Variants in DCHS1 observed in about 807,000 individuals in gnomAD.
DCHS1 encodes dachsous cadherin-related 1.
DCHS1 carries 78 observed loss-of-function variants against 213.9 expected under a neutral mutation model. That is an observed-to-expected ratio of 0.36 (90% CI 0.30 to 0.44). The LOEUF is 0.44. Among genes scored for constraint, DCHS1 ranks in the 20% least tolerant of loss-of-function variants. The pLI, the probability that DCHS1 is intolerant of heterozygous loss-of-function variation, is 1.00. For missense variants in DCHS1, 3,946 were observed against 4,395.9 expected (o/e 0.90, Z 2.89); for synonymous variants, 1,828 against 1,873.7 (o/e 0.98, Z 0.63).
intron 2 of DCHS1, among the ~76,000 whole-genome samples, chr11:6,635,792 A>G (rs2134637434): frequency 6.6e-6 from 1 of 152,338 alleles, no homozygotes; most frequent in South Asian, 2.1e-4. Flanking sequence ...CGCTGCAGGA[A>G]GAAAGCAATA....
chr11:6,625,522 C>A lies in DCHS1; in HGVS notation c.6863-41G>T. ...CTAGTGTGTTTGGCAATGGACACAG[C>A]CCCACCTTGAGCTGCAGGGTGGAGA... On this transcript the variant is annotated intron_variant, in intron 18 of 20. Coordinates refer to ENST00000299441, the MANE Select transcript of DCHS1 (RefSeq NM_003737.4). The surrounding 1 kb of genome is among the most constrained non-coding windows in gnomAD (Gnocchi z 5.3). 6.2e-7 allele frequency: 1 copy of A among 1,609,734 alleles called. No individual in the cohort carries two copies.
rs1316870705 is a variant in DCHS1 at position 6,626,172 on chromosome 11, C to T, written c.6573G>A (p.Leu2191=). Residue 2191 remains leucine (L), a synonymous_variant, in exon 16 of 21, where the codon CTG becomes CTA. Transcript: ENST00000299441. This position sits in a 1 kb window ranked among gnomAD's most constrained non-coding sequence, Gnocchi z 5.2. ...ATCTTTCCATCACACCCCGCACCTGCAGCAGGGGCCCCTCCAAGGGCCGGG... is the reference window on the plus strand; with the variant it reads ...ATCTTTCCATCACACCCCGCACCTGTAGCAGGGGCCCCTCCAAGGGCCGGG... ...PESRPLEGPL[L]QVEADDLDQG... 16 of 1,605,154 alleles carry T rather than the reference C, an allele frequency of 1.0e-5. No individual in the cohort carries two copies. The highest frequency in any genetic ancestry group is 1.3e-5 in the African/African-American group (1 of 74,688).
In DCHS1 at chr11:6,628,559, C is replaced by T. The variant is rs550062775; in HGVS notation, c.5371+62G>A. Reference sequence around the variant, plus strand: ...CACATGCACTGAGGCTGACAGCAGCCAAGAAGGAGCAAGAACCAGGCAAGT... The same window carrying T: ...CACATGCACTGAGGCTGACAGCAGCTAAGAAGGAGCAAGAACCAGGCAAGT... On this transcript the variant is annotated intron_variant, in intron 13 of 20. Transcript: ENST00000299441. The surrounding 1 kb of genome is among the most constrained non-coding windows in gnomAD (Gnocchi z 4.3). 5 of 1,593,156 alleles carry T rather than the reference C, an allele frequency of 3.1e-6. No individual in the cohort carries two copies. Among genetic ancestry groups the T allele is most frequent in the Non-Finnish European group, 4.3e-6 (5 of 1,163,058 alleles).
Position 6,627,215 on chromosome 11 carries a change from T to A in DCHS1, c.5824A>T (p.Thr1942Ser), listed in dbSNP as rs1315158231. 1.2e-6 allele frequency: 2 copies of A among 1,612,986 alleles called. No homozygotes were observed. The highest frequency in any genetic ancestry group is 1.3e-5 in the African/African-American group (1 of 74,848). The change falls in exon 14 of 21, where the codon ACC becomes TCC. Residue 1942 changes from threonine (T) to serine (S), a missense_variant. By Grantham distance (58) the Thr-to-Ser change is moderately conservative. This residue lies in a region of DCHS1 where 3,384 missense variants were observed against 3,780.1 expected (regional missense o/e 0.90). Transcript: ENST00000299441. The surrounding 1 kb of genome is among the most constrained non-coding windows in gnomAD (Gnocchi z 5.4). ...VDGAAAGPLS[T>S]TVSVTITVRD... ...ACCGTGATGGTGACAGACACTGTGGTGCTTAGGGGCCCAGCAGCTGCACCA... is the reference window on the plus strand; with the variant it reads ...ACCGTGATGGTGACAGACACTGTGGAGCTTAGGGGCCCAGCAGCTGCACCA...
chr11:6,628,835 G>A lies in DCHS1; in HGVS notation c.5162-5C>T, dbSNP rs1390882907. 1 of 1,611,200 alleles carries A rather than the reference G, an allele frequency of 6.2e-7. No individual in the cohort carries two copies. The highest frequency in any genetic ancestry group is 8.5e-7 in the Non-Finnish European group (1 of 1,178,620). Reference sequence around the variant, plus strand: ...AGCCCCTGTCCTGGGCATACACTGTGGGGAAGCAAAATCAATGAGGTCTAG... The same window carrying A: ...AGCCCCTGTCCTGGGCATACACTGTAGGGAAGCAAAATCAATGAGGTCTAG... On this transcript the variant is annotated splice_region_variant and splice_polypyrimidine_tract_variant and intron_variant, in intron 12 of 20. Transcript: ENST00000299441. This position sits in a 1 kb window ranked among gnomAD's most constrained non-coding sequence, Gnocchi z 4.3.
In DCHS1 at chr11:6,640,585, C is replaced by T. The variant is rs762387243; in HGVS notation, c.1029G>A (p.Leu343=). The stretch of plus-strand genomic sequence containing the variant: ...CATGCACAGTCACAAAGGCCGAGCC[C>T]AGCTCAGGGTGAGCCCCACCATCTC... ...QARDGGAHPE[L]GSAFVTVHVR... is the part of the protein sequence containing the mutation. The change falls in exon 2 of 21, where the codon CTG becomes CTA. Residue 343 remains leucine (L), a synonymous_variant. Transcript: ENST00000299441. This position sits in a 1 kb window ranked among gnomAD's most constrained non-coding sequence, Gnocchi z 6.5. The T allele has an allele frequency of 6.2e-7, 1 of 1,608,780 alleles. No individual in the cohort carries two copies. Among genetic ancestry groups the T allele is most frequent in the South Asian group, 1.1e-5 (1 of 91,084 alleles).
Position 6,625,188 on chromosome 11 carries a change from G to A in DCHS1, c.7146+10C>T. 1 of 1,573,528 alleles carries A rather than the reference G, an allele frequency of 6.4e-7. No homozygotes were observed. The highest frequency in any genetic ancestry group is 1.4e-5 in the African/African-American group (1 of 74,070). On this transcript the variant is annotated intron_variant, in intron 19 of 20. Coordinates refer to ENST00000299441, the MANE Select transcript of DCHS1 (RefSeq NM_003737.4). This position sits in a 1 kb window ranked among gnomAD's most constrained non-coding sequence, Gnocchi z 5.3. ...GGCCCAGGTGTAGGTGGATCCATGGGTGTCAATACCTGGTAGAGGCTCTGT... is the reference window on the plus strand; with the variant it reads ...GGCCCAGGTGTAGGTGGATCCATGGATGTCAATACCTGGTAGAGGCTCTGT...
In DCHS1 at chr11:6,633,407, G is replaced by T. The variant is rs1855942627; in HGVS notation, c.2455+5C>A. 2 of 1,552,308 alleles carry T rather than the reference G, an allele frequency of 1.3e-6. No individual in the cohort carries two copies. The highest frequency in any genetic ancestry group is 1.7e-6 in the Non-Finnish European group (2 of 1,147,202). On this transcript the variant is annotated splice_donor_5th_base_variant and intron_variant, in intron 5 of 20. Transcript: ENST00000299441. ...ACACCAAGTGGGTATAAAGCTAAAT[G>T]ATACCTGGTGGGTTGTGTGCCTGGA...
Position 6,640,528 on chromosome 11 carries a change from C to T in DCHS1, c.1086G>A (p.Met362Ile), listed in dbSNP as rs1202213200. Reference protein sequence around the residue: ...VRDANDNQPSMTVIFLSADGS... With the variant: ...VRDANDNQPSITVIFLSADGS... ...CATCTGCACTGAGAAAGATGACAGT[C>T]ATGGAGGGCTGATTGTCATTGGCAT... The change falls in exon 2 of 21, where the codon ATG becomes ATA. Residue 362 changes from methionine (M) to isoleucine (I), a missense_variant. Coordinates refer to ENST00000299441, the MANE Select transcript of DCHS1 (RefSeq NM_003737.4). This position sits in a 1 kb window ranked among gnomAD's most constrained non-coding sequence, Gnocchi z 6.5. 6.2e-7 allele frequency: 1 copy of T among 1,611,746 alleles called. No homozygotes were observed. The highest frequency in any genetic ancestry group is 1.7e-5 in the Admixed American group (1 of 60,020).
Position 6,624,288 on chromosome 11 carries a change from G to T in DCHS1, c.7388C>A (p.Ala2463Glu). The change falls in exon 21 of 21, where the codon GCA (alanine) becomes GAA (glutamate). Residue 2463 changes from alanine to glutamate, a missense_variant. Transcript: ENST00000299441. Reference sequence around the variant, plus strand: ...CTGCACGTGCACTGTGGCTCGTGCTGCCCGGCCTGGAGCCCCGTGGTCTCG... The same window carrying T: ...CTGCACGTGCACTGTGGCTCGTGCTTCCCGGCCTGGAGCCCCGTGGTCTCG... ...EARDHGAPGR[A>E]ARATVHVQLQ... is the part of the protein sequence containing the mutation. The T allele has an allele frequency of 1.9e-6, 3 of 1,598,546 alleles. No homozygotes were observed. In the South Asian group the frequency reaches 3.4e-5, roughly 18 times the overall value.
At chr11:6,646,269 C>T (rs1283763440) in intron 1 of DCHS1, among the ~76,000 whole-genome samples, 1 of 152,186 alleles carries the variant, frequency 6.6e-6, no homozygotes, top group South Asian at 2.1e-4. Context: ...CCGGGGCACT[C>T]GTGGTCAGCT....
intron 1 of DCHS1, among the ~76,000 whole-genome samples, chr11:6,642,305 C>T (rs749266222): frequency 3.3e-5 from 5 of 152,160 alleles, no homozygotes; most frequent in South Asian, 2.1e-4. Flanking sequence ...GATACCACAG[C>T]GAATAAAGGA....
chr11:6,647,866 G>A (rs1473351484), intron 1 of DCHS1, among the ~76,000 whole-genome samples: 1 of 152,208 alleles, frequency 6.6e-6, no homozygotes, highest in Non-Finnish European at 1.5e-5. Context: ...GAGGAGAGAG[G>A]TGAAGAATGA....
At position 6,627,559 on chromosome 11, in the gene DCHS1, G is replaced by A; in HGVS notation, c.5480C>T (p.Ala1827Val). ...VEPAFQLRIEARDGGQPALSA... is the reference protein window; with the variant it reads ...VEPAFQLRIEVRDGGQPALSA... ...GAGAGCTGGCTGGCCTCCATCCCGGGCCTCTATCCTCAGCTGGAAAGCTGG... is the reference window on the plus strand; with the variant it reads ...GAGAGCTGGCTGGCCTCCATCCCGGACCTCTATCCTCAGCTGGAAAGCTGG... Residue 1827 changes from alanine (A) to valine (V), a missense_variant, in exon 14 of 21, where the codon GCC becomes GTC. Physicochemically the swap from Ala to Val is moderately conservative, Grantham distance 64. This residue lies in a region of DCHS1 where 3,384 missense variants were observed against 3,780.1 expected (regional missense o/e 0.90). Transcript: ENST00000299441. This position sits in a 1 kb window ranked among gnomAD's most constrained non-coding sequence, Gnocchi z 5.4. The A allele has an allele frequency of 6.2e-7, 1 of 1,612,814 alleles. No homozygotes were observed. Among genetic ancestry groups the A allele is most frequent in the Middle Eastern group, 1.7e-4 (1 of 6,060 alleles).
rs1354838283 is a variant in DCHS1, at chr11:6,641,994, C to T, written c.-120-261G>A. 6.6e-6 allele frequency among the ~76,000 whole-genome samples: 1 copy of T among 152,180 alleles called. No homozygotes were observed. The highest frequency in any genetic ancestry group is 2.4e-5 in the African/African-American group (1 of 41,436). ...TTTTTCGGGTCTGAATGCCCACAAA[C>T]TCCCTTCTTCCTATTTCTAGGCTTA... On this transcript the variant is annotated intron_variant, in intron 1 of 20. Coordinates refer to ENST00000299441, the MANE Select transcript of DCHS1 (RefSeq NM_003737.4). The surrounding 1 kb of genome is among the most constrained non-coding windows in gnomAD (Gnocchi z 7.1).
rs1387125033 is a variant in DCHS1, at chr11:6,630,591, C to A, written c.4203G>T (p.Pro1401=). The change falls in exon 10 of 21, where the codon CCG becomes CCT. Residue 1401 remains proline, a synonymous_variant. Coordinates refer to ENST00000299441, the MANE Select transcript of DCHS1 (RefSeq NM_003737.4). ...CAGCGCGTACCGTAAGCGCGCGCCA[C>A]GGCGGGCCAGCTTCGAAGTCCAGGG... is the stretch of plus-strand genomic sequence containing the variant. ...ARPLDFEAGP[P]WRALTVRAEG... 6.5e-7 allele frequency: 1 copy of A among 1,539,616 alleles called. No individual in the cohort carries two copies. The highest frequency in any genetic ancestry group is 2.4e-5 in the East Asian group (1 of 41,472).
In DCHS1 at chr11:6,626,883, A is replaced by G; in HGVS notation, c.6156T>C (p.Gly2052=). The G allele has an allele frequency of 6.2e-7, 1 of 1,613,414 alleles. No homozygotes were observed. The highest frequency in any genetic ancestry group is 8.5e-7 in the Non-Finnish European group (1 of 1,179,858). ...CCCCCTGCAGTCCAACAATGATCAC[A>G]CCAGTGGCAGAGCGAGCTGGACGGC... The part of the protein sequence containing the change: ...DLGRPARSAT[G]VIIVGLQGEA... Residue 2052 remains glycine, a synonymous_variant, in exon 14 of 21, where the codon GGT becomes GGC. Coordinates refer to ENST00000299441, the MANE Select transcript of DCHS1 (RefSeq NM_003737.4). The surrounding 1 kb of genome is among the most constrained non-coding windows in gnomAD (Gnocchi z 5.2).
In DCHS1 at chr11:6,631,853, G is replaced by A. The variant is rs764808231; in HGVS notation, c.3482-44C>T. 4.0e-6 allele frequency: 6 copies of A among 1,495,850 alleles called. No homozygotes were observed. The African/African-American group carries it at 7.0e-5, about 17-fold the overall frequency. The allele number at this position is 1,495,850 out of a possible 1,614,324, so 92.7% of individuals were successfully genotyped here. A position where few individuals can be genotyped will look rare whatever the true frequency, so the allele number is the denominator to read the frequency against. ...GATCATGTACGAGATGTTTAAGGAT[G>A]CAGAGCCTGAGGCCTGCACCTAAGA... On this transcript the variant is annotated intron_variant, in intron 6 of 20. Transcript: ENST00000299441.
At position 6,630,029 on chromosome 11, in the gene DCHS1, C is replaced by T. The variant is rs1855874060; in HGVS notation, c.4765G>A (p.Asp1589Asn). Residue 1589 changes from aspartate to asparagine, a missense_variant, in exon 10 of 21, where the codon GAC (aspartate) becomes AAC (asparagine). Coordinates refer to ENST00000299441, the MANE Select transcript of DCHS1 (RefSeq NM_003737.4). ...RVSYRLASGG[D>N]GHFRLHSSTG... Reference sequence around the variant, plus strand: ...CTTGAGTGCAGCCGGAAGTGGCCGTCCCCGCCAGATGCCAGCCGATAGGAC... The same window carrying T: ...CTTGAGTGCAGCCGGAAGTGGCCGTTCCCGCCAGATGCCAGCCGATAGGAC... 5 of 1,558,718 alleles carry T rather than the reference C, an allele frequency of 3.2e-6. No homozygotes were observed. Among genetic ancestry groups the T allele is most frequent in the Non-Finnish European group, 4.4e-6 (5 of 1,148,766 alleles).
Sources: gnomAD v4.1 joint callset for allele counts (sites outside exome capture counted in the v4.1 genomes callset) on GRCh38, gnomAD v4.1.1 for gene constraint, gnomAD v4.1.1 regional missense constraint, Gnocchi (gnomAD v3.1) non-coding constraint, MANE v1.5 for transcripts, NCBI Gene and HGNC (gene_info 2026-07-23, HGNC 2026-07-21) for gene names.